Variants in ARHGAP15 observed in about 807,000 individuals in gnomAD.
The protein encoded by ARHGAP15 is rho GTPase-activating protein 15.
ARHGAP15 carries 51 observed loss-of-function variants against 63.7 expected under a neutral mutation model. The ratio of observed to expected loss-of-function variants is 0.80; its 90% CI spans 0.64 to 1.01. The LOEUF (loss-of-function observed/expected upper bound fraction) is 1.01, where lower values mean the gene tolerates loss of function less well. Among genes scored for constraint, ARHGAP15 ranks in the 50% least tolerant of loss-of-function variants. The pLI is 0.00. For missense variants in ARHGAP15, 560 were observed against 564.6 expected (o/e 0.99, Z 0.08); for synonymous variants, 191 against 193.8 (o/e 0.99, Z 0.12).
chr2:143,148,940 C>A (rs1279319282), intron 1 of ARHGAP15, among the ~76,000 whole-genome samples: 1 of 151,996 alleles, frequency 6.6e-6, no homozygotes, highest in East Asian at 1.9e-4. Flanking sequence ...AGACAACAAA[C>A]AATTGCAATG....
chr2:143,749,478 C>T (rs1686290150), intron 13 of ARHGAP15, among the ~76,000 whole-genome samples: 1 of 152,204 alleles, frequency 6.6e-6, no homozygotes, highest in Non-Finnish European at 1.5e-5. Context: ...GATAGGGGAA[C>T]AGTAGGTAAC....
chr2:143,362,410 C>T (rs1014842347), intron 6 of ARHGAP15, among the ~76,000 whole-genome samples: 7 of 152,296 alleles, frequency 4.6e-5, no homozygotes, highest in Admixed American at 2.0e-4. Context: ...AGGAATGTTT[C>T]TTCTGCCTCT....
At chr2:143,454,530 G>A (rs1690557404) in intron 8 of ARHGAP15, among the ~76,000 whole-genome samples, 3 of 151,976 alleles carry the variant, frequency 2.0e-5, no homozygotes, top group Non-Finnish European at 4.4e-5. Context: ...TGAACAGATA[G>A]AAAGGAAAGG....
intron 12 of ARHGAP15, among the ~76,000 whole-genome samples, chr2:143,627,340 A>G (rs1698873299): frequency 6.6e-6 from 1 of 152,224 alleles, no homozygotes; most frequent in South Asian, 2.1e-4. Context: ...ACGTACATTT[A>G]CTAACCCACG....
intron 13 of ARHGAP15, among the ~76,000 whole-genome samples, chr2:143,738,849 G>A (rs1685853768): frequency 6.6e-6 from 1 of 152,126 alleles, no homozygotes; most frequent in South Asian, 2.1e-4. Flanking sequence ...AGACACTCTG[G>A]TTGGTCCCAT....
chr2:143,755,291 T>C (rs998009500), intron 13 of ARHGAP15, among the ~76,000 whole-genome samples: 1 of 149,186 alleles, frequency 6.7e-6, no homozygotes, highest in African/African-American at 2.5e-5. Flanking sequence ...GGGGGATCTA[T>C]ACCAAATATC....
chr2:143,195,002 G>C (rs1466999345), intron 2 of ARHGAP15, among the ~76,000 whole-genome samples: 2 of 152,124 alleles, frequency 1.3e-5, no homozygotes, highest in African/African-American at 4.8e-5. Context: ...CTTGTGCCAG[G>C]AGCGAGAGGC....
At chr2:143,169,941 A>T (rs1337821844) in intron 2 of ARHGAP15, among the ~76,000 whole-genome samples, 2 of 152,006 alleles carry the variant, frequency 1.3e-5, no homozygotes, top group Admixed American at 1.3e-4. Flanking sequence ...TATCCCCTCA[A>T]GTAAATCTTC....
At chr2:143,346,941 T>C (rs1399426760) in intron 6 of ARHGAP15, among the ~76,000 whole-genome samples, 2 of 152,046 alleles carry the variant, frequency 1.3e-5, no homozygotes, top group Admixed American at 1.3e-4. Context: ...TCTCTACAAT[T>C]TGCTTCAGGG....
intron 1 of ARHGAP15, among the ~76,000 whole-genome samples, chr2:143,134,704 G>A (rs1033050020): frequency 1.4e-5 from 2 of 147,098 alleles, no homozygotes; most frequent in Admixed American, 6.9e-5. Flanking sequence ...GTGCAATCTC[G>A]GCTCACTGCA....
At chr2:143,397,023 A>C (rs898915002) in intron 6 of ARHGAP15, among the ~76,000 whole-genome samples, 1 of 152,006 alleles carries the variant, frequency 6.6e-6, no homozygotes, top group African/African-American at 2.4e-5. Context: ...TTCTTTTTGA[A>C]AATAGAGTTC....
intron 13 of ARHGAP15, among the ~76,000 whole-genome samples, chr2:143,757,005 A>G (rs1211245086): frequency 6.6e-6 from 1 of 152,130 alleles, no homozygotes; most frequent in Non-Finnish European, 1.5e-5. Flanking sequence ...ACAGAGTAAT[A>G]AAGATCTGCA....
intron 13 of ARHGAP15, among the ~76,000 whole-genome samples, chr2:143,725,789 G>C (rs893855749): frequency 2.6e-5 from 4 of 152,196 alleles, no homozygotes; most frequent in African/African-American, 9.7e-5. Context: ...AATTTATGCA[G>C]GTAACTCATT....
intron 12 of ARHGAP15, among the ~76,000 whole-genome samples, chr2:143,696,409 T>C (rs1023020355): frequency 6.6e-5 from 10 of 150,650 alleles, no homozygotes; most frequent in African/African-American, 2.2e-4. Context: ...AATTATACCT[T>C]TATTTTTAAT....
intron 6 of ARHGAP15, among the ~76,000 whole-genome samples, chr2:143,307,148 C>CT (rs1170596173): frequency 6.6e-6 from 1 of 152,098 alleles, no homozygotes; most frequent in Admixed American, 6.6e-5. Flanking sequence ...ATTTTGAGCC[C>CT]TTTTTCTGGG....
chr2:143,300,570 G>T (rs1300778242), intron 6 of ARHGAP15, among the ~76,000 whole-genome samples: 1 of 151,962 alleles, frequency 6.6e-6, no homozygotes, highest in Non-Finnish European at 1.5e-5. Context: ...TCTTGGTTAG[G>T]CAGCTCTCCC....
chr2:143,155,390 C>G (rs1390271294), intron 1 of ARHGAP15, 87 bp from the exon 2 acceptor site: 2 of 1,215,750 alleles, frequency 1.6e-6, no homozygotes, highest in Non-Finnish European at 2.2e-6. Context: ...CTTTTAATAT[C>G]CTAATGATTA....
intron 6 of ARHGAP15, among the ~76,000 whole-genome samples, chr2:143,358,830 T>C (rs1320512575): frequency 6.6e-6 from 1 of 151,780 alleles, no homozygotes; most frequent in Non-Finnish European, 1.5e-5. Flanking sequence ...AACACAGACA[T>C]TATAAATCAG....
chr2:143,692,261 G>C (rs1683640145), intron 12 of ARHGAP15, among the ~76,000 whole-genome samples: 1 of 152,174 alleles, frequency 6.6e-6, no homozygotes, highest in Admixed American at 6.5e-5. Context: ...TAATTTGGTT[G>C]CATCAGGAAT....
Sources: gnomAD v4.1 joint callset for allele counts (sites outside exome capture counted in the v4.1 genomes callset) on GRCh38, gnomAD v4.1.1 for gene constraint, MANE v1.5 for transcripts, NCBI Gene and HGNC (gene_info 2026-07-23, HGNC 2026-07-21) for gene names.